The following MDGA2 variants were observed in gnomAD, a reference collection of about 807,000 sequenced individuals.
MDGA2 encodes MAM domain containing glycosylphosphatidylinositol anchor 2, also known as MAM domain-containing glycosylphosphatidylinositol anchor protein 2.
In MDGA2, 40 loss-of-function variants were observed where a neutral mutation model predicts 117.8. The observed-to-expected ratio is 0.34, with a 90% CI of 0.26 to 0.44. The LOEUF is 0.44. MDGA2 is among the 20% of genes least tolerant of loss of function. The pLI is 1.00. For synonymous variants in MDGA2, 452 were observed against 439.0 expected, an observed-to-expected ratio of 1.03 and a Z score of -0.37; for missense variants, 1,123 against 1,250.6, an observed-to-expected ratio of 0.90 and a Z score of 1.54.
intron 3 of MDGA2, among the ~76,000 whole-genome samples, chr14:47,211,692 A>C (rs547283570): frequency 6.6e-6 from 1 of 152,312 alleles, no homozygotes; most frequent in African/African-American, 2.4e-5. Context: ...TCTTGAAAAA[A>C]GGAGTTCCGA....
At chr14:46,946,921 A>C (rs1445542886) in intron 9 of MDGA2, among the ~76,000 whole-genome samples, 3 of 152,072 alleles carry the variant, frequency 2.0e-5, no homozygotes, top group Non-Finnish European at 4.4e-5. Context: ...TCCTCATAAG[A>C]CCTGCCCCTT....
Position 47,096,949 on chromosome 14 carries a change from G to C in MDGA2, c.1100C>G (p.Pro367Arg). 6.2e-7 allele frequency: 1 copy of C among 1,613,274 alleles called. No homozygotes were observed. Among genetic ancestry groups the C allele is most frequent in the African/African-American group, 1.3e-5 (1 of 74,962 alleles). Residue 367 changes from proline (P) to arginine (R), a missense_variant, in exon 6 of 17, where the codon CCT becomes CGT. Around this residue, in one of 2 missense-constraint regions of MDGA2, gnomAD observed 890 missense variants for 1,050.3 expected, o/e 0.85. Transcript: ENST00000399232. ...TVLNGGTLTIPAITSDDAGTY... is the reference protein window; with the variant it reads ...TVLNGGTLTIRAITSDDAGTY... The stretch of plus-strand genomic sequence containing the variant: ...ACCAGCATCATCTGAGGTGATGGCA[G>C]GTATGGTCAAAGTTCCTCCATTCAA...
At chr14:47,229,098 C>A (rs1355617089) in intron 2 of MDGA2, among the ~76,000 whole-genome samples, 2 of 152,158 alleles carry the variant, frequency 1.3e-5, no homozygotes, top group Non-Finnish European at 2.9e-5. Flanking sequence ...CAGCCAAAGG[C>A]TAACCTGGCA....
rs150866251 is a variant in MDGA2 at position 47,201,474 on chromosome 14, C to T, written c.595+16547G>A. Among the ~76,000 whole-genome samples, 860 of 152,230 alleles carry T rather than the reference C, an allele frequency of 5.6e-3. 3 individuals carry two copies. The highest frequency in any genetic ancestry group is 7.8e-3 in the Non-Finnish European group (532 of 67,988). On this transcript the variant is annotated intron_variant, in intron 3 of 16. Transcript: ENST00000399232. Reference sequence around the variant, plus strand: ...TTCTTTCTCTGTCTTGCCTGGTGCACCTACTCATCAACCTGACTGAAACCT... The same window carrying T: ...TTCTTTCTCTGTCTTGCCTGGTGCATCTACTCATCAACCTGACTGAAACCT...
chr14:47,607,652 T>C (rs909778288), intron 1 of MDGA2, among the ~76,000 whole-genome samples: 4 of 152,022 alleles, frequency 2.6e-5, no homozygotes, highest in East Asian at 1.9e-4. Flanking sequence ...TTGCAAGCAA[T>C]AGGGTAGTGA....
chr14:47,348,139 GTCTCTCTC>G (rs112844787), intron 1 of MDGA2, among the ~76,000 whole-genome samples: 3 of 144,550 alleles, frequency 2.1e-5, no homozygotes, highest in Non-Finnish European at 4.5e-5. Context: ...ATTGTGCTCT[GTCTCTCTC>G]TCTCTCTCTC....
intron 9 of MDGA2, among the ~76,000 whole-genome samples, chr14:46,941,938 C>T (rs1043532772): frequency 7.2e-5 from 11 of 152,168 alleles, no homozygotes; most frequent in African/African-American, 2.2e-4. Context: ...AGACTGATAT[C>T]TCTGTCTTTC....
chr14:47,436,136 A>G (rs4638482), intron 1 of MDGA2, among the ~76,000 whole-genome samples: 98,438 of 151,944 alleles, frequency 0.65, 32,080 homozygotes, highest in Middle Eastern at 0.75. Flanking sequence ...TCTCAGGGAA[A>G]ACTCATCCAT....
intron 1 of MDGA2, among the ~76,000 whole-genome samples, chr14:47,456,551 T>C (rs911405058): frequency 2.0e-5 from 3 of 151,424 alleles, no homozygotes; most frequent in East Asian, 2.0e-4. Flanking sequence ...TATCCACCCA[T>C]CTCGGCCTCC....
At position 46,959,075 on chromosome 14, in the gene MDGA2, A is replaced by G. The variant is rs79799326; in HGVS notation, c.1820-1432T>C. 3.4e-3 allele frequency among the ~76,000 whole-genome samples: 516 copies of G among 152,208 alleles called. 4 individuals carry two copies. The highest frequency in any genetic ancestry group is 0.012 in the African/African-American group (485 of 41,526). On this transcript the variant is annotated intron_variant, in intron 8 of 16. Transcript: ENST00000399232. ...GTTAAACTCCTCTAAAAAAAGTTAA[A>G]AGTTTTAGATATCTAATTTAAAAAA... is the stretch of plus-strand genomic sequence containing the variant.
chr14:46,922,941 T>C (rs527874667), intron 9 of MDGA2, among the ~76,000 whole-genome samples: 97 of 152,328 alleles, frequency 6.4e-4, no homozygotes, highest in African/African-American at 2.3e-3. Flanking sequence ...AGTAGCTATC[T>C]TATTATAGTT....
chr14:47,655,165 C>A (rs1897720324), intron 1 of MDGA2, among the ~76,000 whole-genome samples: 1 of 152,050 alleles, frequency 6.6e-6, no homozygotes, highest in Non-Finnish European at 1.5e-5. Context: ...CAAATTCAAC[C>A]AAGTAGAAGC....
At chr14:47,404,310 T>C (rs1210416892) in intron 1 of MDGA2, among the ~76,000 whole-genome samples, 1 of 151,908 alleles carries the variant, frequency 6.6e-6, no homozygotes, top group Non-Finnish European at 1.5e-5. Context: ...CTCAGCCTCC[T>C]GAGTAGCTGG....
At chr14:47,518,042 A>C (rs776698294) in intron 1 of MDGA2, among the ~76,000 whole-genome samples, 1 of 152,130 alleles carries the variant, frequency 6.6e-6, no homozygotes, top group African/African-American at 2.4e-5. Context: ...ATAGAAATAA[A>C]GAGATTTTTA....
In MDGA2 at chr14:47,024,580, CAAGTT is replaced by C. The variant is rs1333728160; in HGVS notation, c.1819+10426_1819+10430del. 2.0e-5 allele frequency among the ~76,000 whole-genome samples: 3 copies of C among 152,238 alleles called. No individual in the cohort carries two copies. In the East Asian group the frequency reaches 5.8e-4, roughly 29 times the overall value. The stretch of plus-strand genomic sequence containing the variant: ...TATCTTCTTAAAAAGAAATGCTACT[CAAGTT>C]AAATAATAATCTTTTTCTAGAAAAA... On this transcript the variant is annotated intron_variant, in intron 8 of 16. Transcript: ENST00000399232.
chr14:47,477,238 G>C (rs1462071193), intron 1 of MDGA2, among the ~76,000 whole-genome samples: 1 of 152,110 alleles, frequency 6.6e-6, no homozygotes, highest in South Asian at 2.1e-4. Context: ...AAGTGCTTGA[G>C]ACAAGGATTG....
At chr14:47,237,894 T>C (rs1045130231) in intron 2 of MDGA2, among the ~76,000 whole-genome samples, 2 of 152,180 alleles carry the variant, frequency 1.3e-5, no homozygotes, top group African/African-American at 4.8e-5. Flanking sequence ...GCCAGAGTGA[T>C]CCTGTTAAAA....
At chr14:47,543,738 T>C (rs1469079105) in intron 1 of MDGA2, among the ~76,000 whole-genome samples, 1 of 152,158 alleles carries the variant, frequency 6.6e-6, no homozygotes, top group African/African-American at 2.4e-5. Flanking sequence ...AATCTATAAA[T>C]CATCAAGGGA....
intron 15 of MDGA2, among the ~76,000 whole-genome samples, chr14:46,854,325 T>C (rs1294642001): frequency 6.6e-6 from 1 of 151,502 alleles, no homozygotes; most frequent in Non-Finnish European, 1.5e-5. Context: ...ATTTTTAAAA[T>C]ATAAAAATAT....
Sources: gnomAD v4.1 joint callset for allele counts (sites outside exome capture counted in the v4.1 genomes callset) on GRCh38, gnomAD v4.1.1 for gene constraint, gnomAD v4.1.1 regional missense constraint, MANE v1.5 for transcripts, NCBI Gene and HGNC (gene_info 2026-07-23, HGNC 2026-07-21) for gene names.